IL7: variants seen among roughly 807,000 people sequenced by gnomAD.
IL7 encodes the protein interleukin 7.
IL7 carries 3 observed loss-of-function variants against 21.6 expected under a neutral mutation model. That is an observed-to-expected ratio of 0.14 (90% CI 0.06 to 0.36). IL7 has a LOEUF of 0.36. Ranked by LOEUF, IL7 falls within the 10% of genes least tolerant of loss-of-function variation. IL7 has a pLI of 1.00. For missense variants in IL7, 175 were observed against 200.2 expected, an observed-to-expected ratio of 0.87 and a Z score of 0.76; for synonymous variants, 62 against 68.1, an observed-to-expected ratio of 0.91 and a Z score of 0.44.
intron 2 of IL7, among the ~76,000 whole-genome samples, chr8:78,757,414 G>A (rs1812384545): frequency 4.6e-5 from 7 of 151,962 alleles, no homozygotes; most frequent in Admixed American, 4.6e-4. Flanking sequence ...TTGGTCTATA[G>A]CACAGATTAA....
intron 5 of IL7, among the ~76,000 whole-genome samples, chr8:78,735,280 TTTTTTTTTTTTTG>T (rs781528485): frequency 1.2e-3 from 150 of 130,206 alleles, no homozygotes; most frequent in Non-Finnish European, 2.3e-3. Context: ...TCTTTTCTTT[TTTTTTTTTTTTTG>T]TTTTTTTTTT....
At chr8:78,717,602 C>G, downstream of IL7, 3 of 1,210,194 alleles carry the variant, frequency 2.5e-6, no homozygotes, top group Non-Finnish European at 3.4e-6. Context: ...ACTCGAAATA[C>G]CATTTCCAGT....
At chr8:78,761,547 T>C (rs1382294775) in intron 2 of IL7, 6 of 1,611,796 alleles carry the variant, frequency 3.7e-6, no homozygotes, top group African/African-American at 2.7e-5. Flanking sequence ...AGGAAGCCTA[T>C]AAATTCCTCT....
chr8:78,792,622 A>T (rs1472583962), intron 2 of IL7, among the ~76,000 whole-genome samples: 1 of 152,122 alleles, frequency 6.6e-6, no homozygotes, highest in Non-Finnish European at 1.5e-5. Context: ...TTGAATAAAC[A>T]ATTCTCCAAA....
chr8:78,730,192 T>C (rs1811399875), downstream of IL7, among the ~76,000 whole-genome samples: 1 of 151,930 alleles, frequency 6.6e-6, no homozygotes, highest in African/African-American at 2.4e-5. Flanking sequence ...TTGCTGCCTT[T>C]CAAGAAAAAT....
At chr8:78,706,610 T>C (rs1247774417) in intron 3 of IL7, among the ~76,000 whole-genome samples, 1 of 152,160 alleles carries the variant, frequency 6.6e-6, no homozygotes, top group African/African-American at 2.4e-5. Context: ...GCCTCTCTTT[T>C]CTTTGTTCTC....
At chr8:78,730,811 T>C (rs1037780299), downstream of IL7, among the ~76,000 whole-genome samples, 1 of 151,956 alleles carries the variant, frequency 6.6e-6, no homozygotes, top group Non-Finnish European at 1.5e-5. Flanking sequence ...GATAAAGTAC[T>C]AAGATGAATC....
chr8:78,735,276 C>CTTTTTTTTTT, intron 5 of IL7, among the ~76,000 whole-genome samples: 68 of 78,342 alleles, frequency 8.7e-4, no homozygotes, highest in Middle Eastern at 7.8e-3. Context: ...CTTTTCTTTT[C>CTTTTTTTTTT]TTTTTTTTTT....
At chr8:78,714,262 G>A (rs1236414064), downstream of IL7, among the ~76,000 whole-genome samples, 1 of 152,076 alleles carries the variant, frequency 6.6e-6, no homozygotes, top group Non-Finnish European at 1.5e-5. Context: ...TGTCTTATCT[G>A]TAAATGGAGT....
intron 4 of IL7, among the ~76,000 whole-genome samples, chr8:78,737,544 A>G (rs1811634082): frequency 1.3e-5 from 2 of 152,160 alleles, no homozygotes; most frequent in South Asian, 4.1e-4. Flanking sequence ...CAGCACACTA[A>G]GAGGAGACTT....
In IL7 at chr8:78,798,299, A is replaced by C; in HGVS notation, c.11-91T>G. 1.5e-5 allele frequency: 13 copies of C among 860,890 alleles called. No individual in the cohort carries two copies. In the South Asian group the frequency reaches 2.7e-4, roughly 18 times the overall value. The allele number at this position is 860,890 out of a possible 1,614,324, so 53.3% of individuals were successfully genotyped here. ...CAATGGACTGGACCACTAATTTCTA[A>C]TAATTTTAAAAATACATCTTGGTTT... is the stretch of plus-strand genomic sequence containing the variant. On this transcript the variant is annotated intron_variant, in intron 1 of 5. Coordinates refer to ENST00000263851, the MANE Select transcript of IL7 (RefSeq NM_000880.4).
At chr8:78,755,915 T>C (rs1462945504) in intron 2 of IL7, among the ~76,000 whole-genome samples, 1 of 151,872 alleles carries the variant, frequency 6.6e-6, no homozygotes, top group Non-Finnish European at 1.5e-5. Context: ...TCAGTTATTA[T>C]AAGAAAGACT....
intron 1 of IL7, among the ~76,000 whole-genome samples, chr8:78,800,090 C>T (rs1450091699): frequency 6.6e-6 from 1 of 152,110 alleles, no homozygotes; most frequent in African/African-American, 2.4e-5. Flanking sequence ...TCCCACCTTT[C>T]AAAGTCTCCA....
At chr8:78,759,058 C>T (rs1025520530) in intron 2 of IL7, among the ~76,000 whole-genome samples, 2 of 104,490 alleles carry the variant, frequency 1.9e-5, no homozygotes, top group Non-Finnish European at 1.7e-5. Context: ...TTCTTTTATT[C>T]CCCCCCCCAC....
At chr8:78,719,221 T>G (rs541885661) in intron 5 of IL7, 39 of 93,926 alleles carry the variant, frequency 4.2e-4, no homozygotes, top group Admixed American at 3.3e-3. Flanking sequence ...TGAGCACTGT[T>G]TTTTTGTCAA....
intron 4 of IL7, among the ~76,000 whole-genome samples, chr8:78,679,692 T>G (rs1271791651): frequency 6.6e-6 from 1 of 152,136 alleles, no homozygotes; most frequent in East Asian, 1.9e-4. Context: ...TTGAATAGGT[T>G]TTTTAAACAG....
chr8:78,758,414 T>C (rs1451733393), intron 2 of IL7, among the ~76,000 whole-genome samples: 2 of 152,122 alleles, frequency 1.3e-5, no homozygotes, highest in East Asian at 3.8e-4. Flanking sequence ...ATTTCTTTCT[T>C]GCTTTCATTA....
At chr8:78,708,151 G>T (rs1450370560) in intron 3 of IL7, among the ~76,000 whole-genome samples, 1 of 152,120 alleles carries the variant, frequency 6.6e-6, no homozygotes, top group Admixed American at 6.6e-5. Context: ...TTGAGTAAAG[G>T]TTGAATTAAG....
At chr8:78,727,968 A>G (rs1177197304), downstream of IL7, among the ~76,000 whole-genome samples, 2 of 152,108 alleles carry the variant, frequency 1.3e-5, no homozygotes, top group East Asian at 1.9e-4. Flanking sequence ...TCATTCTTAT[A>G]TATCAGCTAT....
Sources: allele counts gnomAD v4.1 joint callset (sites outside exome capture counted in the v4.1 genomes callset), GRCh38; gene constraint gnomAD v4.1.1; transcripts MANE v1.5; gene names NCBI Gene and HGNC (gene_info 2026-07-23, HGNC 2026-07-21).